ADARB2: variants seen among roughly 807,000 people sequenced by gnomAD.
The protein encoded by ADARB2 is adenosine deaminase RNA specific B2 (inactive).
ADARB2 carries 25 observed loss-of-function variants against 62.2 expected under a neutral mutation model. The ratio of observed to expected loss-of-function variants is 0.40; its 90% confidence interval spans 0.29 to 0.56. The LOEUF (loss-of-function observed/expected upper bound fraction) is 0.56, where lower values mean the gene tolerates loss of function less well. Ranked by LOEUF, ADARB2 falls within the 20% of genes least tolerant of loss-of-function variation. The probability of loss-of-function intolerance (pLI) is 0.43; values close to 1 mark genes in which losing one functional copy is unlikely to be tolerated. For synonymous variants in ADARB2, 572 were observed against 500.8 expected (o/e 1.14, Z -1.90); for missense variants, 1,071 against 1,077.4 (o/e 0.99, Z 0.08).
At chr10:1,494,043 C>A (rs547709776) in intron 1 of ADARB2, among the ~76,000 whole-genome samples, 2 of 152,156 alleles carry the variant, frequency 1.3e-5, no homozygotes, top group East Asian at 3.9e-4. Flanking sequence ...TGAGCCACCG[C>A]ACCTGGCCCA....
intron 1 of ADARB2, among the ~76,000 whole-genome samples, chr10:1,660,442 T>C (rs1158551970): frequency 6.6e-6 from 1 of 152,192 alleles, no homozygotes; most frequent in Non-Finnish European, 1.5e-5. Context: ...TATGTTGGAT[T>C]AAACTGGGGT....
chr10:1,332,727 C>T (rs1354377088), intron 3 of ADARB2, among the ~76,000 whole-genome samples: 1 of 152,032 alleles, frequency 6.6e-6, no homozygotes, highest in Non-Finnish European at 1.5e-5. Context: ...TGGCATCTGT[C>T]CAATAGAGAC....
At chr10:1,567,193 A>G (rs1832869951) in intron 1 of ADARB2, among the ~76,000 whole-genome samples, 1 of 151,834 alleles carries the variant, frequency 6.6e-6, no homozygotes, top group South Asian at 2.1e-4. Context: ...CCCACCGAGA[A>G]GCAGACCTGC....
At chr10:1,332,273 G>A (rs544915768) in intron 3 of ADARB2, among the ~76,000 whole-genome samples, 8 of 152,130 alleles carry the variant, frequency 5.3e-5, no homozygotes, top group African/African-American at 1.9e-4. Flanking sequence ...GTGCGGTGGT[G>A]GACGTCTATA....
In ADARB2 at chr10:1,558,757, G is replaced by A. The variant is rs1275395544; in HGVS notation, c.100+178294C>T. Among the ~76,000 whole-genome samples the A allele has an allele frequency of 1.3e-4, 18 of 141,936 alleles. 1 individual carries two copies. The highest frequency in any genetic ancestry group is 4.6e-4 in the African/African-American group (18 of 38,808). 93.1% of individuals were successfully genotyped at this position (141,936 alleles called of 152,430 possible). On this transcript the variant is annotated intron_variant, in intron 1 of 9. Transcript: ENST00000381312. ...CCATCTAAACTCGAATCCCACCTCC[G>A]CCCCACTCCGTGGGTGCTCAGCCCC...
intron 1 of ADARB2, among the ~76,000 whole-genome samples, chr10:1,576,156 ACAGGAGGGGGGT>A (rs1833017906): frequency 5.5e-5 from 1 of 18,310 alleles, no homozygotes; most frequent in African/African-American, 2.6e-4. Context: ...GTCCACGGTC[ACAGGAGGGGGGT>A]TCAGGGTCAC....
intron 1 of ADARB2, among the ~76,000 whole-genome samples, chr10:1,715,568 A>G (rs969310915): frequency 6.7e-6 from 1 of 149,912 alleles, no homozygotes. Context: ...GTGGTTCCAC[A>G]TCTGCTTCTC....
chr10:1,222,228 T>C (rs532745174), intron 6 of ADARB2, among the ~76,000 whole-genome samples: 1 of 152,368 alleles, frequency 6.6e-6, no homozygotes, highest in South Asian at 2.1e-4. Context: ...TTGAGAAGTG[T>C]TTGTTCATAT....
intron 3 of ADARB2, among the ~76,000 whole-genome samples, chr10:1,313,494 C>G (rs1589189369): frequency 6.6e-6 from 1 of 152,206 alleles, no homozygotes; most frequent in East Asian, 1.9e-4. Context: ...GCGACTGTCC[C>G]TTTCAAGTGT....
At chr10:1,522,088 G>A (rs1009624700) in intron 1 of ADARB2, among the ~76,000 whole-genome samples, 1 of 152,156 alleles carries the variant, frequency 6.6e-6, no homozygotes, top group Admixed American at 6.5e-5. Context: ...AGGAATTTCT[G>A]ATAACCACAC....
intron 1 of ADARB2, among the ~76,000 whole-genome samples, chr10:1,674,879 G>A (rs1193932701): frequency 6.6e-6 from 1 of 152,204 alleles, no homozygotes; most frequent in Non-Finnish European, 1.5e-5. Flanking sequence ...GGAGGTTTGG[G>A]TTCAAGGATG....
rs575701344 is a variant in ADARB2 at position 1,411,973 on chromosome 10, C to T, written c.101-32813G>A. ...CCTTTACTCAGAGTGGACTTAGAAA[C>T]GACGCATCAGGCTGAGAGGAGCAGA... is the stretch of plus-strand genomic sequence containing the variant. On this transcript the variant is annotated intron_variant, in intron 1 of 9. Coordinates refer to ENST00000381312, the MANE Select transcript of ADARB2 (RefSeq NM_018702.4). 9.2e-5 allele frequency among the ~76,000 whole-genome samples: 14 copies of T among 152,284 alleles called. No homozygotes were observed. The East Asian group carries it at 2.3e-3, about 25-fold the overall frequency.
At chr10:1,613,253 C>T (rs1833593035) in intron 1 of ADARB2, among the ~76,000 whole-genome samples, 1 of 152,208 alleles carries the variant, frequency 6.6e-6, no homozygotes. Context: ...CAAGCATTAG[C>T]CATGCCTGAA....
At chr10:1,586,583 TC>T (rs1362175774) in intron 1 of ADARB2, among the ~76,000 whole-genome samples, 1 of 152,216 alleles carries the variant, frequency 6.6e-6, no homozygotes, top group Non-Finnish European at 1.5e-5. Flanking sequence ...GGGGATCTGC[TC>T]ACCTTACTCA....
intron 1 of ADARB2, among the ~76,000 whole-genome samples, chr10:1,481,889 A>G (rs1048609370): frequency 6.6e-6 from 1 of 151,974 alleles, no homozygotes. Context: ...GAAAAGAAAT[A>G]CAAGTCAACA....
chr10:1,289,432 G>A (rs1831443917), intron 3 of ADARB2, among the ~76,000 whole-genome samples: 1 of 152,376 alleles, frequency 6.6e-6, no homozygotes, highest in African/African-American at 2.4e-5. Context: ...GTTGAGGCTT[G>A]TCTCAGATAC....
At chr10:1,226,877 G>C (rs910816367) in intron 6 of ADARB2, among the ~76,000 whole-genome samples, 2 of 126,896 alleles carry the variant, frequency 1.6e-5, no homozygotes, top group Non-Finnish European at 3.4e-5. Context: ...CAGTCCACCC[G>C]ATCTCAGCTC....
chr10:1,245,799 T>C (rs1052524808), intron 4 of ADARB2, among the ~76,000 whole-genome samples: 4 of 152,050 alleles, frequency 2.6e-5, no homozygotes, highest in Non-Finnish European at 4.4e-5. Flanking sequence ...AATAAACATA[T>C]GTGTGCATGT....
At chr10:1,302,182 G>C (rs919298076) in intron 3 of ADARB2, among the ~76,000 whole-genome samples, 2 of 152,234 alleles carry the variant, frequency 1.3e-5, no homozygotes, top group South Asian at 2.1e-4. Context: ...CACCGTGCGC[G>C]AGCCGAAGCA....
Sources: allele counts gnomAD v4.1 joint callset (sites outside exome capture counted in the v4.1 genomes callset), GRCh38; gene constraint gnomAD v4.1.1; transcripts MANE v1.5; gene names NCBI Gene and HGNC (gene_info 2026-07-23, HGNC 2026-07-21).